Variants in PRRC2C observed in about 807,000 individuals in gnomAD.
The protein encoded by PRRC2C is proline rich coiled-coil 2C, also known as protein PRRC2C.
A neutral mutation model predicts 317.2 loss-of-function variants in PRRC2C; 72 were observed. The ratio of observed to expected loss-of-function variants is 0.23; its 90% CI spans 0.19 to 0.28. The LOEUF is 0.28. Among genes scored for constraint, PRRC2C ranks in the 10% least tolerant of loss-of-function variants. The pLI, the probability that PRRC2C is intolerant of heterozygous loss-of-function variation, is 1.00. For missense variants in PRRC2C, 3,074 were observed against 3,459.7 expected (o/e 0.89, Z 2.80); for synonymous variants, 1,296 against 1,205.9 (o/e 1.07, Z -1.55).
chr1:171,559,948 T>C (rs566120323), intron 19 of PRRC2C, among the ~76,000 whole-genome samples: 2 of 152,296 alleles, frequency 1.3e-5, no homozygotes, highest in South Asian at 2.1e-4. Context: ...GATGAAGATA[T>C]ACAGGAAGAT....
intron 1 of PRRC2C, among the ~76,000 whole-genome samples, chr1:171,490,011 C>A (rs1017662749): frequency 6.6e-6 from 1 of 152,152 alleles, no homozygotes; most frequent in Non-Finnish European, 1.5e-5. Flanking sequence ...CCTCTCCCTC[C>A]CGGGTTCAAG....
chr1:171,505,297 G>C (rs1350091868), intron 1 of PRRC2C, among the ~76,000 whole-genome samples: 1 of 152,058 alleles, frequency 6.6e-6, no homozygotes. Context: ...CAAAGTGCTG[G>C]GATTACAGGC....
At chr1:171,513,511 G>A (rs1361250488) in intron 3 of PRRC2C, 3 of 459,512 alleles carry the variant, frequency 6.5e-6, no homozygotes, top group Non-Finnish European at 1.3e-5. Flanking sequence ...ATGATACTAA[G>A]GATGTCTGTC....
Position 171,541,382 on chromosome 1 carries a change from T to C in PRRC2C, c.3916T>C (p.Ser1306Pro), listed in dbSNP as rs375962966. 85 of 1,612,738 alleles carry C rather than the reference T, an allele frequency of 5.3e-5. No homozygotes were observed. Among genetic ancestry groups the C allele is most frequent in the African/African-American group, 6.7e-5 (5 of 74,872 alleles). The change falls in exon 16 of 35, where the codon TCT (serine) becomes CCT (proline). Residue 1306 changes from serine (S) to proline (P), a missense_variant. Around this residue, in one of 11 missense-constraint regions of PRRC2C, gnomAD observed 1,320 missense variants for 1,395.7 expected, o/e 0.95. Transcript: ENST00000647382. This position sits in a 1 kb window ranked among gnomAD's most constrained non-coding sequence, Gnocchi z 4.1. Reference protein sequence around the residue: ...ENKKPVKPHSSFKPDNHVRID... With the variant: ...ENKKPVKPHSPFKPDNHVRID... ...CAAAAAACCTGTAAAGCCTCATTCT[T>C]CTTTCAAGCCTGATAATCATGTTCG...
chr1:171,561,392 C>T (rs1682685650), intron 20 of PRRC2C, among the ~76,000 whole-genome samples: 1 of 152,134 alleles, frequency 6.6e-6, no homozygotes, highest in African/African-American at 2.4e-5. Context: ...GTCAAGGCTA[C>T]AGTAAAGTCA....
chr1:171,498,501 C>T (rs1668522615), intron 1 of PRRC2C, among the ~76,000 whole-genome samples: 1 of 152,180 alleles, frequency 6.6e-6, no homozygotes, highest in Non-Finnish European at 1.5e-5. Context: ...AAAAGTGTTG[C>T]ATTGGGGGTT....
chr1:171,507,467 C>T (rs1014872400), intron 1 of PRRC2C, among the ~76,000 whole-genome samples: 9 of 151,958 alleles, frequency 5.9e-5, no homozygotes, highest in South Asian at 2.1e-4. Flanking sequence ...AAAAATTAGC[C>T]GGGCATGGTG....
intron 19 of PRRC2C, among the ~76,000 whole-genome samples, chr1:171,559,319 G>T (rs1213008439): frequency 6.6e-6 from 1 of 152,064 alleles, no homozygotes; most frequent in African/African-American, 2.4e-5. Context: ...TGACTTAAAA[G>T]GACAGGCTAA....
At chr1:171,538,497 A>G (rs1298107186) in intron 15 of PRRC2C, among the ~76,000 whole-genome samples, 2 of 152,232 alleles carry the variant, frequency 1.3e-5, no homozygotes, top group Non-Finnish European at 2.9e-5. Flanking sequence ...ATAGCCATAC[A>G]GTTGGAACTT....
At chr1:171,566,166 G>A (rs1683619733) in intron 20 of PRRC2C, 67 bp from the exon 21 acceptor site, 3 of 1,310,932 alleles carry the variant, frequency 2.3e-6, no homozygotes, top group East Asian at 2.5e-5. Flanking sequence ...AAACTGTATA[G>A]TGCTTCATAA....
At chr1:171,556,847 A>G (rs1267979833) in intron 18 of PRRC2C, among the ~76,000 whole-genome samples, 2 of 152,234 alleles carry the variant, frequency 1.3e-5, no homozygotes, top group Non-Finnish European at 2.9e-5. Context: ...GAAAGGTAAA[A>G]TAGTTGTGCA....
At chr1:171,526,195 T>G (rs1391353372) in intron 10 of PRRC2C, among the ~76,000 whole-genome samples, 1 of 152,220 alleles carries the variant, frequency 6.6e-6, no homozygotes. Context: ...ATGTTTTAGA[T>G]TTTCTTTTTT....
intron 2 of PRRC2C, chr1:171,512,570 GGTGTGT>G (rs141739183): frequency 1.6e-5 from 4 of 251,884 alleles, no homozygotes; most frequent in Non-Finnish European, 2.4e-5. Context: ...CGTGTGTGGG[GGTGTGT>G]GTGTGTGTGT....
rs747404700 is a variant in PRRC2C at position 171,571,431 on chromosome 1, A to T, written c.6753+10A>T. 6 of 1,555,702 alleles carry T rather than the reference A, an allele frequency of 3.9e-6. No homozygotes were observed. Among genetic ancestry groups the T allele is most frequent in the Non-Finnish European group, 5.3e-6 (6 of 1,127,194 alleles). ...CAGCCTCACCTTCAAGGTATGTACAACATCCATCTCTAAGAGTCCTTAATT... is the reference window on the plus strand; with the variant it reads ...CAGCCTCACCTTCAAGGTATGTACATCATCCATCTCTAAGAGTCCTTAATT... On this transcript the variant is annotated intron_variant, in intron 24 of 34. Transcript: ENST00000647382.
At chr1:171,586,693 G>A (rs1244097932) in intron 30 of PRRC2C, among the ~76,000 whole-genome samples, 1 of 151,534 alleles carries the variant, frequency 6.6e-6, no homozygotes, top group East Asian at 1.9e-4. Context: ...TGATTCTCAT[G>A]CCTCAGCCTC....
At chr1:171,515,306 G>T (rs1021761581) in intron 4 of PRRC2C, among the ~76,000 whole-genome samples, 3 of 152,194 alleles carry the variant, frequency 2.0e-5, no homozygotes, top group African/African-American at 7.2e-5. Context: ...TAAAGTAAAT[G>T]AAGCAATAAA....
At chr1:171,509,193 T>C (rs1670833698) in intron 1 of PRRC2C, among the ~76,000 whole-genome samples, 1 of 152,198 alleles carries the variant, frequency 6.6e-6, no homozygotes, top group South Asian at 2.1e-4. Context: ...CCCAATTTGA[T>C]TTTTTAACCA....
At position 171,571,309 on chromosome 1, in the gene PRRC2C, T is replaced by A. The variant is rs753515529; in HGVS notation, c.6652-11T>A. On this transcript the variant is annotated splice_polypyrimidine_tract_variant and intron_variant, in intron 23 of 34. Transcript: ENST00000647382. Reference sequence around the variant, plus strand: ...TAGTTAGATTGTGATATGTGTTGCCTACCTTTTCAGGTGCCCCTGCCCAAC... The same window carrying A: ...TAGTTAGATTGTGATATGTGTTGCCAACCTTTTCAGGTGCCCCTGCCCAAC... 5.2e-6 allele frequency: 8 copies of A among 1,534,482 alleles called. No homozygotes were observed. In the South Asian group the frequency reaches 7.9e-5, roughly 15 times the overall value.
intron 23 of PRRC2C, among the ~76,000 whole-genome samples, chr1:171,568,911 A>G (rs1017677500): frequency 6.6e-6 from 1 of 152,174 alleles, no homozygotes; most frequent in Non-Finnish European, 1.5e-5. Flanking sequence ...ATGTTAAGTC[A>G]TGTTGTAACT....
Sources: allele counts gnomAD v4.1 joint callset (sites outside exome capture counted in the v4.1 genomes callset), GRCh38; gene constraint gnomAD v4.1.1; regional missense constraint gnomAD v4.1.1; non-coding constraint Gnocchi (gnomAD v3.1); transcripts MANE v1.5; gene names NCBI Gene and HGNC (gene_info 2026-07-23, HGNC 2026-07-21).